The following DNM1L variants were observed in gnomAD, a reference collection of about 807,000 sequenced individuals.
DNM1L encodes dynamin-1-like protein.
Under a neutral mutation model 92.8 loss-of-function variants are expected in DNM1L, and 33 were observed. The ratio of observed to expected loss-of-function variants is 0.36; its 90% CI spans 0.27 to 0.48. DNM1L has a LOEUF of 0.48. Among genes scored for constraint, DNM1L ranks in the 20% least tolerant of loss-of-function variants. The pLI is 0.99. For synonymous variants in DNM1L, 284 were observed against 305.0 expected, an observed-to-expected ratio of 0.93 and a Z score of 0.72; for missense variants, 485 against 888.8, an observed-to-expected ratio of 0.55 and a Z score of 5.78.
At chr12:32,727,271 A>T in intron 9 of DNM1L, 1 of 1,437,722 alleles carries the variant, frequency 7.0e-7, no homozygotes, top group Non-Finnish European at 9.8e-7. Context: ...GAACTTCCTC[A>T]TAGAATTTGG....
chr12:32,743,138 G>A lies in DNM1L; in HGVS notation c.2155-216G>A, dbSNP rs191953597. ...TCTCTAACTCCTGACCTCATGATCC[G>A]CCCGCCTCGACCTCCCAAAGTGCTG... On this transcript the variant is annotated intron_variant, in intron 19 of 19. Coordinates refer to ENST00000549701, the MANE Select transcript of DNM1L (RefSeq NM_012062.5). 0.01 allele frequency among the ~76,000 whole-genome samples: 1,518 copies of A among 151,424 alleles called. 32 individuals are homozygous for A. Among genetic ancestry groups the A allele is most frequent in the African/African-American group, 0.034 (1,401 of 41,264 alleles).
In DNM1L at chr12:32,731,449, G is replaced by T; in HGVS notation, c.1294G>T (p.Val432Leu). The change falls in exon 11 of 20, where the codon GTG becomes TTG. Residue 432 changes from valine (V) to leucine (L), a missense_variant. Val to Leu is a conservative substitution (Grantham distance 32, BLOSUM62 1). This residue lies in a region of DNM1L where 12 missense variants were observed against 21.5 expected (regional missense o/e 0.56). Coordinates refer to ENST00000549701, the MANE Select transcript of DNM1L (RefSeq NM_012062.5). This position sits in a 1 kb window ranked among gnomAD's most constrained non-coding sequence, Gnocchi z 5.1. ...KRLEEPSLRC[V>L]ELVHEEMQRI... Reference sequence around the variant, plus strand: ...TCTAGAAGAGCCCAGCCTCCGCTGTGTGGAACTGGTTCATGAGGAAATGCA... The same window carrying T: ...TCTAGAAGAGCCCAGCCTCCGCTGTTTGGAACTGGTTCATGAGGAAATGCA... 6.2e-7 allele frequency: 1 copy of T among 1,614,194 alleles called. No individual in the cohort carries two copies. The highest frequency in any genetic ancestry group is 8.5e-7 in the Non-Finnish European group (1 of 1,180,040).
intron 13 of DNM1L, among the ~76,000 whole-genome samples, chr12:32,735,251 C>G (rs1954794334): frequency 6.6e-6 from 1 of 152,074 alleles, no homozygotes; most frequent in African/African-American, 2.4e-5. Context: ...TTACCATACC[C>G]TGAGGGCAGA....
intron 12 of DNM1L, chr12:32,733,355 CAG>C (rs1384611679): frequency 4.0e-5 from 9 of 226,670 alleles, no homozygotes; most frequent in Non-Finnish European, 6.9e-5. Flanking sequence ...AAAAAAGTGA[CAG>C]GGAATAGTGG....
chr12:32,742,665 T>TATA lies in DNM1L; in HGVS notation c.2073_2075dup (p.Tyr691_Lys692insAsn). 1 of 1,614,150 alleles carries TATA rather than the reference T, an allele frequency of 6.2e-7. No homozygotes were observed. Among genetic ancestry groups the TATA allele is most frequent in the Non-Finnish European group, 8.5e-7 (1 of 1,180,020 alleles). On this transcript the variant is annotated inframe_insertion, in exon 19 of 20. Coordinates refer to ENST00000549701, the MANE Select transcript of DNM1L (RefSeq NM_012062.5). ...TCAGAGTGAGCTAGTAGGCCAGCTG[T>TATA]ATAAATCATCCTTATTGGATGATCT...
Position 32,731,521 on chromosome 12 carries a change from A to G in DNM1L, c.1356+10A>G. The stretch of plus-strand genomic sequence containing the variant: ...CAATTACAGTACACAGGTAACGGAG[A>G]GAAATGTAACAGGTTTCACATGAAC... On this transcript the variant is annotated intron_variant, in intron 11 of 19. Coordinates refer to ENST00000549701, the MANE Select transcript of DNM1L (RefSeq NM_012062.5). This position sits in a 1 kb window ranked among gnomAD's most constrained non-coding sequence, Gnocchi z 5.1. 3.7e-6 allele frequency: 6 copies of G among 1,613,966 alleles called. No individual in the cohort carries two copies. Among genetic ancestry groups the G allele is most frequent in the Non-Finnish European group, 5.1e-6 (6 of 1,179,996 alleles).
intron 9 of DNM1L, chr12:32,729,128 CTGGAG>C (rs1954365291): frequency 1.3e-5 from 2 of 148,366 alleles, no homozygotes; most frequent in African/African-American, 5.0e-5. Context: ...ATTGCCCAAA[CTGGAG>C]TGTAGTGGCG....
intron 1 of DNM1L, among the ~76,000 whole-genome samples, chr12:32,685,606 A>AC (rs1472511448): frequency 6.6e-6 from 1 of 151,008 alleles, no homozygotes; most frequent in Non-Finnish European, 1.5e-5. Flanking sequence ...CAAATGATCC[A>AC]CCCACCTCGG....
At chr12:32,693,256 A>G (rs1240141443) in intron 1 of DNM1L, among the ~76,000 whole-genome samples, 2 of 152,100 alleles carry the variant, frequency 1.3e-5, no homozygotes, top group African/African-American at 4.8e-5. Flanking sequence ...TGAGCATCTT[A>G]TCATGTTTCT....
At position 32,709,020 on chromosome 12, in the gene DNM1L, G is replaced by A. The variant is rs571071600; in HGVS notation, c.369+796G>A. Among the ~76,000 whole-genome samples the A allele has an allele frequency of 1.1e-4, 16 of 152,170 alleles. No individual in the cohort carries two copies. The South Asian group carries it at 3.3e-3, about 32-fold the overall frequency. Reference sequence around the variant, plus strand: ...AATATTCAACAAATATTGAATCCTTGTATCTGCCAGTTACTATGCTAAAAG... The same window carrying A: ...AATATTCAACAAATATTGAATCCTTATATCTGCCAGTTACTATGCTAAAAG... On this transcript the variant is annotated intron_variant, in intron 4 of 19. Coordinates refer to ENST00000549701, the MANE Select transcript of DNM1L (RefSeq NM_012062.5).
At chr12:32,680,202 A>G (rs1322157529) in intron 1 of DNM1L, among the ~76,000 whole-genome samples, 1 of 152,008 alleles carries the variant, frequency 6.6e-6, no homozygotes, top group Non-Finnish European at 1.5e-5. Flanking sequence ...GTCTTCTCAT[A>G]GCTAACTCAT....
intron 1 of DNM1L, among the ~76,000 whole-genome samples, chr12:32,682,132 CT>C (rs1249185877): frequency 6.6e-6 from 1 of 151,752 alleles, no homozygotes; most frequent in Non-Finnish European, 1.5e-5. Flanking sequence ...TTAAGAATCA[CT>C]TTGGTTTTTT....
At chr12:32,699,321 G>A (rs866004549) in intron 1 of DNM1L, among the ~76,000 whole-genome samples, 1 of 151,788 alleles carries the variant, frequency 6.6e-6, no homozygotes, top group African/African-American at 2.4e-5. Context: ...TAAAAAGTTG[G>A]AAAATATTTA....
In DNM1L at chr12:32,731,662, T is replaced by G; in HGVS notation, c.1356+151T>G. ...AGTGATTTGAAATAGGATTCTTAAA[T>G]GTAGTCTCCAAATTGAATTCAGTAT... On this transcript the variant is annotated intron_variant, in intron 11 of 19. Transcript: ENST00000549701. The surrounding 1 kb of genome is among the most constrained non-coding windows in gnomAD (Gnocchi z 5.1). The G allele has an allele frequency of 8.9e-7, 1 of 1,126,720 alleles. No individual in the cohort carries two copies. The highest frequency in any genetic ancestry group is 1.4e-5 in the South Asian group (1 of 72,274). The allele number at this position is 1,126,720 out of a possible 1,614,324, so 69.8% of individuals were successfully genotyped here. A position where few individuals can be genotyped will look rare whatever the true frequency, so the allele number is the denominator to read the frequency against.
chr12:32,706,931 C>G lies in DNM1L; in HGVS notation c.251-436C>G, dbSNP rs544406038. The G allele has an allele frequency of 2.4e-5, 6 of 247,142 alleles. No individual in the cohort carries two copies. The Admixed American group carries it at 3.2e-4, about 13-fold the overall frequency. The allele number at this position is 247,142 out of a possible 1,614,324, so 15.3% of individuals were successfully genotyped here. ...ACATCTGTTACATATGTTTTTTGCA[C>G]TACTCAGTGGGATTCTTAATTTTTC... On this transcript the variant is annotated intron_variant, in intron 2 of 19. Coordinates refer to ENST00000549701, the MANE Select transcript of DNM1L (RefSeq NM_012062.5).
At chr12:32,688,171 C>T (rs886478236) in intron 1 of DNM1L, among the ~76,000 whole-genome samples, 7 of 152,088 alleles carry the variant, frequency 4.6e-5, no homozygotes, top group Non-Finnish European at 8.8e-5. Flanking sequence ...GTGATCTGCC[C>T]ACCTTGGCCT....
intron 1 of DNM1L, chr12:32,692,672 A>C (rs11052176): frequency 6.6e-6 from 1 of 152,306 alleles, no homozygotes; most frequent in South Asian, 2.1e-4. Context: ...AGAAGCATCA[A>C]ATGAATCACA....
intron 2 of DNM1L, among the ~76,000 whole-genome samples, chr12:32,703,071 T>TTA (rs1371967434): frequency 4.6e-5 from 7 of 151,314 alleles, no homozygotes; most frequent in East Asian, 1.9e-4. Flanking sequence ...TTTTTTTTTT[T>TTA]AACTTTCCAT....
chr12:32,700,487 C>T (rs1952657749), intron 1 of DNM1L, among the ~76,000 whole-genome samples: 1 of 152,084 alleles, frequency 6.6e-6, no homozygotes, highest in South Asian at 2.1e-4. Context: ...GTGGTTCATG[C>T]CTGTAATCCC....
Sources: allele counts gnomAD v4.1 joint callset (sites outside exome capture counted in the v4.1 genomes callset), GRCh38; gene constraint gnomAD v4.1.1; regional missense constraint gnomAD v4.1.1; non-coding constraint Gnocchi (gnomAD v3.1); transcripts MANE v1.5; gene names NCBI Gene and HGNC (gene_info 2026-07-23, HGNC 2026-07-21).